Variants in PBRM1 observed in about 807,000 individuals in gnomAD.
The protein encoded by PBRM1 is protein polybromo-1.
PBRM1 carries 27 observed loss-of-function variants against 194.5 expected under a neutral mutation model. The ratio of observed to expected loss-of-function variants is 0.14; its 90% CI spans 0.10 to 0.19. PBRM1 has a LOEUF of 0.19. PBRM1 is among the 10% of genes least tolerant of loss of function. The probability of loss-of-function intolerance (pLI) is 1.00; values close to 1 mark genes in which losing one functional copy is unlikely to be tolerated. For missense variants in PBRM1, 1,466 were observed against 2,077.2 expected, an observed-to-expected ratio of 0.71 and a Z score of 5.72; for synonymous variants, 655 against 693.2, an observed-to-expected ratio of 0.94 and a Z score of 0.87.
intron 7 of PBRM1, among the ~76,000 whole-genome samples, chr3:52,647,457 A>ATAT (rs1457136043): frequency 4.2e-5 from 2 of 47,870 alleles, no homozygotes; most frequent in Admixed American, 7.8e-4. Context: ...AAAAAAAAAA[A>ATAT]ATATATATAT....
chr3:52,661,380 AGT>A (rs1218920273), intron 4 of PBRM1, among the ~76,000 whole-genome samples: 1 of 152,222 alleles, frequency 6.6e-6, no homozygotes, highest in African/African-American at 2.4e-5. Flanking sequence ...TGTCAGGTAT[AGT>A]GCAGATATGA....
chr3:52,680,590 G>A (rs2097187318), upstream of PBRM1, among the ~76,000 whole-genome samples: 1 of 152,200 alleles, frequency 6.6e-6, no homozygotes, highest in African/African-American at 2.4e-5. Flanking sequence ...GTCCTGCAAT[G>A]CTTATATTGC....
chr3:52,653,444 C>T (rs1368909520), intron 5 of PBRM1, among the ~76,000 whole-genome samples: 2 of 151,646 alleles, frequency 1.3e-5, no homozygotes, highest in Non-Finnish European at 2.9e-5. Flanking sequence ...TCAAAATTAG[C>T]CTGGTATGTT....
chr3:52,659,878 G>A (rs891306325), intron 4 of PBRM1, among the ~76,000 whole-genome samples: 3 of 152,210 alleles, frequency 2.0e-5, no homozygotes, highest in Non-Finnish European at 2.9e-5. Flanking sequence ...GATCACCTGA[G>A]GTCAAGAGTT....
At chr3:52,571,860 A>C (rs1167352825) in intron 22 of PBRM1, among the ~76,000 whole-genome samples, 10 of 121,744 alleles carry the variant, frequency 8.2e-5, no homozygotes, top group African/African-American at 4.2e-4. Context: ...TCTCCCCAAA[A>C]AAAAAAAAAA....
At chr3:52,673,805 C>A (rs1276364946) in intron 2 of PBRM1, among the ~76,000 whole-genome samples, 1 of 151,802 alleles carries the variant, frequency 6.6e-6, no homozygotes, top group African/African-American at 2.4e-5. Context: ...AATCCCAGCA[C>A]TTTGGGAGGA....
At chr3:52,624,755 C>A (rs2153558318) in intron 13 of PBRM1, 142 bp downstream of exon 15, 2 of 630,616 alleles carry the variant, frequency 3.2e-6, no homozygotes, top group East Asian at 5.5e-5. Context: ...GTACTGCTTT[C>A]TTTATTCATA....
At position 52,678,482 on chromosome 3, in the gene PBRM1, G is replaced by A. The variant is rs2154056708; in HGVS notation, c.236+18C>T. 6.6e-7 allele frequency: 1 copy of A among 1,520,928 alleles called. No individual in the cohort carries two copies. Among genetic ancestry groups the A allele is most frequent in the East Asian group, 2.2e-5 (1 of 44,456 alleles). 94.2% of individuals were successfully genotyped at this position (1,520,928 alleles called of 1,614,324 possible). A position where few individuals can be genotyped will look rare whatever the true frequency, so the allele number is the denominator to read the frequency against. ...GGACCAAATCCCCCGCAACTGTACTGATGTGCTTCGAACTCACCTTCGCTT... is the reference window on the plus strand; with the variant it reads ...GGACCAAATCCCCCGCAACTGTACTAATGTGCTTCGAACTCACCTTCGCTT... On this transcript the variant is annotated intron_variant, in intron 2 of 29. Coordinates refer to ENST00000296302, the Ensembl canonical transcript of PBRM1.
intron 20 of PBRM1, among the ~76,000 whole-genome samples, chr3:52,584,450 C>CTTTTTTTTTTTTTTTTTTTTGTT (rs2092011036): frequency 1.6e-5 from 1 of 60,750 alleles, no homozygotes; most frequent in Non-Finnish European, 2.7e-5. Context: ...AGTATTCTTG[C>CTTTTTTTTTTTTTTTTTTTTGTT]TTTTTTTTTT....
exon 11 of PBRM1, chr3:52,634,608 T>A: frequency 6.3e-7 from 1 of 1,586,672 alleles, no homozygotes; most frequent in Non-Finnish European, 8.7e-7. Context: ...TTACCGGATC[T>A]GTTGTAGTGA....
At chr3:52,634,700 C>T (rs772999990) in exon 11 of PBRM1, 2 of 1,613,334 alleles carry the variant, frequency 1.2e-6, no homozygotes, top group South Asian at 1.1e-5. Context: ...CTATTAGCTG[C>T]CCTTGGTTAT....
downstream of PBRM1, chr3:52,545,719 T>C (rs1364644461): frequency 4.3e-6 from 1 of 233,076 alleles, no homozygotes; most frequent in Non-Finnish European, 8.5e-6. Context: ...GTTTGCAATA[T>C]AAACAATTCT....
At chr3:52,604,279 A>C (rs1472003965) in intron 16 of PBRM1, among the ~76,000 whole-genome samples, 1 of 152,212 alleles carries the variant, frequency 6.6e-6, no homozygotes, top group Non-Finnish European at 1.5e-5. Context: ...CCTCAGAGTT[A>C]ATGTTCATTT....
chr3:52,615,529 A>C (rs994815042), intron 14 of PBRM1, 73 bp from the exon 17 acceptor site: 1 of 918,982 alleles, frequency 1.1e-6, no homozygotes, highest in Non-Finnish European at 1.8e-6. Context: ...TCCATAAAGA[A>C]GTTTTAAAAA....
intron 13 of PBRM1, among the ~76,000 whole-genome samples, chr3:52,623,645 A>T (rs896517585): frequency 2.0e-5 from 3 of 152,246 alleles, no homozygotes; most frequent in Admixed American, 6.5e-5. Flanking sequence ...TACTCAGTGC[A>T]TCCAGACCCA....
chr3:52,597,341 G>A (rs2093647612), intron 17 of PBRM1, among the ~76,000 whole-genome samples: 1 of 152,112 alleles, frequency 6.6e-6, no homozygotes, highest in African/African-American at 2.4e-5. Flanking sequence ...GAGGACAATT[G>A]GTGGAGGCTT....
chr3:52,678,157 G>C (rs535625961), intron 2 of PBRM1, among the ~76,000 whole-genome samples: 24 of 152,110 alleles, frequency 1.6e-4, no homozygotes, highest in South Asian at 1.0e-3. Context: ...TTAAGAGACG[G>C]GGTCTCATTA....
chr3:52,563,528 T>A, intron 23 of PBRM1, 35 bp from the exon 26 acceptor site: 1 of 1,447,858 alleles, frequency 6.9e-7, no homozygotes, highest in Non-Finnish European at 9.7e-7. Context: ...TAAAATCACC[T>A]AATGCCCCTC....
chr3:52,648,411 G>A (rs1171540806), exon 7 of PBRM1: 4 of 1,605,592 alleles, frequency 2.5e-6, no homozygotes, highest in Non-Finnish European at 3.4e-6. Context: ...TATATCTTTG[G>A]CCATTGCATG....
Sources: allele counts gnomAD v4.1 joint callset (sites outside exome capture counted in the v4.1 genomes callset), GRCh38; gene constraint gnomAD v4.1.1; transcripts MANE v1.5; gene names NCBI Gene and HGNC (gene_info 2026-07-23, HGNC 2026-07-21).